The following HSPH1 variants were observed in gnomAD, a reference collection of about 807,000 sequenced individuals.
HSPH1 encodes heat shock protein 105 kDa.
HSPH1 carries 40 observed loss-of-function variants against 100.0 expected under a neutral mutation model. The ratio of observed to expected loss-of-function variants is 0.40; its 90% CI spans 0.31 to 0.52. The LOEUF (loss-of-function observed/expected upper bound fraction) is 0.52. Ranked by LOEUF, HSPH1 falls within the 20% of genes least tolerant of loss-of-function variation. The probability of loss-of-function intolerance (pLI) is 0.54; values close to 1 mark genes in which losing one functional copy is unlikely to be tolerated. For missense variants in HSPH1, 876 were observed against 1,015.1 expected (o/e 0.86, Z 1.86); for synonymous variants, 403 against 344.0 (o/e 1.17, Z -1.90).
At chr13:31,158,667 A>G in intron 2 of HSPH1, 139 bp downstream of exon 2, 1 of 597,962 alleles carries the variant, frequency 1.7e-6, no homozygotes, top group South Asian at 2.3e-5. Context: ...GAAGGTTCAT[A>G]AAGAATACTT....
Position 31,137,062 on chromosome 13 carries a change from T to C in HSPH1, c.*256A>G, listed in dbSNP as rs751585601. On this transcript the variant is annotated 3_prime_UTR_variant, in exon 18 of 18. Transcript: ENST00000320027. ...CAAAAGTCAGTTTCATCCTCAGTGA[T>C]GCAAATGGTGAGACTGCACAGAAAG... 1.6e-6 allele frequency: 1 copy of C among 627,500 alleles called. No homozygotes were observed. Among genetic ancestry groups the C allele is most frequent in the Admixed American group, 2.2e-5 (1 of 46,056 alleles). The allele number at this position is 627,500 out of a possible 1,614,324, so 38.9% of individuals were successfully genotyped here.
At position 31,137,414 on chromosome 13, in the gene HSPH1, ATCT is replaced by A. The variant is rs1565992040; in HGVS notation, c.2478_2480del (p.Glu826del). ...CACCAAAATTGTTTTTGTCTTCTAA[ATCT>A]TCTTCCTTTTTATCAATATTTGGGC... On this transcript the variant is annotated inframe_deletion, in exon 18 of 18. Coordinates refer to ENST00000320027, the MANE Select transcript of HSPH1 (RefSeq NM_006644.4). The A allele has an allele frequency of 1.2e-6, 2 of 1,613,450 alleles. No homozygotes were observed. The highest frequency in any genetic ancestry group is 1.7e-6 in the Non-Finnish European group (2 of 1,179,600).
intron 1 of HSPH1, among the ~76,000 whole-genome samples, chr13:31,159,894 C>T (rs1039580497): frequency 6.6e-6 from 1 of 152,170 alleles, no homozygotes; most frequent in African/African-American, 2.4e-5. Flanking sequence ...CCGTCAAAAT[C>T]AGAGCATCAC....
Position 31,138,391 on chromosome 13 carries a change from A to C in HSPH1, c.2370+16T>G. 1 of 1,610,666 alleles carries C rather than the reference A, an allele frequency of 6.2e-7. No homozygotes were observed. The highest frequency in any genetic ancestry group is 8.5e-7 in the Non-Finnish European group (1 of 1,178,144). On this transcript the variant is annotated intron_variant, in intron 17 of 17. Coordinates refer to ENST00000320027, the MANE Select transcript of HSPH1 (RefSeq NM_006644.4). The stretch of plus-strand genomic sequence containing the variant: ...GTAAGTGAACCCAGCAGTAAACACG[A>C]GACAGTAACACTCACCTTGATTTTT...
At position 31,158,105 on chromosome 13, in the gene HSPH1, G is replaced by A. The variant is rs1956763049; in HGVS notation, c.165+701C>T. On this transcript the variant is annotated intron_variant, in intron 2 of 17. Coordinates refer to ENST00000320027, the MANE Select transcript of HSPH1 (RefSeq NM_006644.4). ...TCCTACCTTAATTACTAAGTAACCTGAAAATGCTTTTAAACACATAATTTC... is the reference window on the plus strand; with the variant it reads ...TCCTACCTTAATTACTAAGTAACCTAAAAATGCTTTTAAACACATAATTTC... Among the ~76,000 whole-genome samples, 4 of 152,278 alleles carry A rather than the reference G, an allele frequency of 2.6e-5. No individual in the cohort carries two copies. In the South Asian group the frequency reaches 8.3e-4, roughly 32 times the overall value.
In HSPH1 at chr13:31,137,191, T is replaced by C. The variant is rs1955909958; in HGVS notation, c.*127A>G. The C allele has an allele frequency of 2.7e-6, 2 of 739,052 alleles. No individual in the cohort carries two copies. The highest frequency in any genetic ancestry group is 3.6e-5 in the African/African-American group (2 of 55,732). 45.8% of individuals were successfully genotyped at this position (739,052 alleles called of 1,614,324 possible). On this transcript the variant is annotated 3_prime_UTR_variant, in exon 18 of 18. Transcript: ENST00000320027. ...GACTTAAGCTTTTTTTCTTTTTCCA[T>C]ATAATACACAAAATTTCTAAATATC...
chr13:31,137,935 T>C (rs757213839), intron 17 of HSPH1, among the ~76,000 whole-genome samples: 1 of 152,174 alleles, frequency 6.6e-6, no homozygotes, highest in Non-Finnish European at 1.5e-5. Context: ...TTCACTGTGT[T>C]TGAACATTAC....
At position 31,135,370 on chromosome 13, in the gene HSPH1, CT is replaced by C. The variant is rs771476879; in HGVS notation, c.*1947del. 3.3e-5 allele frequency: 5 copies of C among 152,150 alleles called. No homozygotes were observed. The highest frequency in any genetic ancestry group is 4.8e-5 in the African/African-American group (2 of 41,436). The allele number at this position is 152,150 out of a possible 1,614,324, so 9.4% of individuals were successfully genotyped here. A position where few individuals can be genotyped will look rare whatever the true frequency, so the allele number is the denominator to read the frequency against. ...CACTTCTCAATGTGTAAATGTGTATCTACTAAGTATACATTAATGTGCATTA... is the reference window on the plus strand; with the variant it reads ...CACTTCTCAATGTGTAAATGTGTATCACTAAGTATACATTAATGTGCATTA... On this transcript the variant is annotated 3_prime_UTR_variant, in exon 18 of 18. Coordinates refer to ENST00000320027, the MANE Select transcript of HSPH1 (RefSeq NM_006644.4).
Position 31,154,212 on chromosome 13 carries a change from G to A in HSPH1, c.429+421C>T, listed in dbSNP as rs145726371. The A allele has an allele frequency of 1.2e-3, 267 of 217,360 alleles. 1 individual carries two copies. The highest frequency in any genetic ancestry group is 6.0e-3 in the African/African-American group (255 of 42,752). The allele number at this position is 217,360 out of a possible 1,614,324, so 13.5% of individuals were successfully genotyped here. ...ATTGTCCACTGAAGGTAACAGGCTT[G>A]CTAGTGTTAAAAATTTAGGTTTTGT... On this transcript the variant is annotated intron_variant, in intron 4 of 17. Transcript: ENST00000320027.
At chr13:31,160,810 G>A (rs532524007) in intron 1 of HSPH1, among the ~76,000 whole-genome samples, 1 of 152,220 alleles carries the variant, frequency 6.6e-6, no homozygotes, top group African/African-American at 2.4e-5. Flanking sequence ...TACATCTTTC[G>A]ACAATGATCC....
rs200635681 is a variant in HSPH1, at chr13:31,158,870, A to T, written c.108-7T>A. On this transcript the variant is annotated splice_region_variant and splice_polypyrimidine_tract_variant and intron_variant, in intron 1 of 17. Transcript: ENST00000320027. ...TCCAAATGATATGACTGACCTAGAA[A>T]AAAATATATTCCAAAAAATTAAAAA... is the stretch of plus-strand genomic sequence containing the variant. 6.5e-7 allele frequency: 1 copy of T among 1,549,614 alleles called. No individual in the cohort carries two copies. The highest frequency in any genetic ancestry group is 2.2e-5 in the East Asian group (1 of 44,506).
At position 31,155,685 on chromosome 13, in the gene HSPH1, T is replaced by C. The variant is rs1269158500; in HGVS notation, c.166-31A>G. ...AAAAGAAGTTTGAGATTTTAATTTT[T>C]TTCTTTAATTTCACCACCTACCAGT... On this transcript the variant is annotated intron_variant, in intron 2 of 17. Transcript: ENST00000320027. 1.9e-6 allele frequency: 3 copies of C among 1,552,926 alleles called. No individual in the cohort carries two copies. The African/African-American group carries it at 4.1e-5, about 21-fold the overall frequency.
Position 31,154,723 on chromosome 13 carries a change from A to G in HSPH1, c.339T>C (p.Ser113=). 6.2e-7 allele frequency: 1 copy of G among 1,613,784 alleles called. No individual in the cohort carries two copies. ...ACAACATGGCTGTTATCTGCTCCAC[A>G]CTAAATAGATGTTCTTCACCCATGT... ...VMYMGEEHLF[S]VEQITAMLLT... is the part of the protein sequence containing the mutation. The change falls in exon 4 of 18, where the codon AGT becomes AGC. Residue 113 remains serine (S), a synonymous_variant. Coordinates refer to ENST00000320027, the MANE Select transcript of HSPH1 (RefSeq NM_006644.4).
Position 31,148,382 on chromosome 13 carries a change from A to C in HSPH1, c.1236T>G (p.Asp412Glu), listed in dbSNP as rs1160825013. The C allele has an allele frequency of 6.5e-7, 1 of 1,541,754 alleles. No homozygotes were observed. Among genetic ancestry groups the C allele is most frequent in the East Asian group, 2.3e-5 (1 of 44,044 alleles). The change falls in exon 9 of 18, where the codon GAT becomes GAG. Residue 412 changes from aspartate (D) to glutamate (E), a missense_variant. Transcript: ENST00000320027. ...TATTTTCTGCTACATACCCTTCAGT[A>C]TCTTCTGAATCATGGTTCCAGATCA... ...ISLIWNHDSE[D>E]TEGVHEVFSR...
At chr13:31,138,281 A>G in intron 17 of HSPH1, 126 bp downstream of exon 17, 1 of 844,700 alleles carries the variant, frequency 1.2e-6, no homozygotes, top group Non-Finnish European at 1.9e-6. Context: ...ATAGACTAAG[A>G]AAAGCTGGTT....
chr13:31,138,116 G>C (rs528140569), intron 17 of HSPH1, among the ~76,000 whole-genome samples: 1 of 151,940 alleles, frequency 6.6e-6, no homozygotes, highest in East Asian at 1.9e-4. Context: ...AGTTCCATAA[G>C]GGCAGAGACT....
intron 12 of HSPH1, among the ~76,000 whole-genome samples, chr13:31,141,791 T>TACACAC (rs1407930454): frequency 1.4e-5 from 1 of 71,578 alleles, no homozygotes. Flanking sequence ...ATATACTCCA[T>TACACAC]ACACATACAT....
At chr13:31,141,797 T>TAGAC (rs749354268) in intron 12 of HSPH1, among the ~76,000 whole-genome samples, 2 of 124,248 alleles carry the variant, frequency 1.6e-5, no homozygotes, top group East Asian at 4.4e-4. Flanking sequence ...TCCATACACA[T>TAGAC]ACATACACAC....
chr13:31,137,287 T>G lies in HSPH1; in HGVS notation c.*31A>C. 2.3e-6 allele frequency: 3 copies of G among 1,306,750 alleles called. No homozygotes were observed. The highest frequency in any genetic ancestry group is 3.3e-6 in the Non-Finnish European group (3 of 918,332). The allele number at this position is 1,306,750 out of a possible 1,614,324, so 80.9% of individuals were successfully genotyped here. Reference sequence around the variant, plus strand: ...ACATACTATGGCAAAAATATTTTATTAATTGAAGGAATAGGCCAATTTAAG... The same window carrying G: ...ACATACTATGGCAAAAATATTTTATGAATTGAAGGAATAGGCCAATTTAAG... On this transcript the variant is annotated 3_prime_UTR_variant, in exon 18 of 18. Transcript: ENST00000320027.
Sources: allele counts gnomAD v4.1 joint callset (sites outside exome capture counted in the v4.1 genomes callset), GRCh38; gene constraint gnomAD v4.1.1; transcripts MANE v1.5; gene names NCBI Gene and HGNC (gene_info 2026-07-23, HGNC 2026-07-21).